Variants in IQGAP2 observed in about 807,000 individuals in gnomAD.
IQGAP2 encodes the protein IQ motif containing GTPase activating protein 2.
In IQGAP2, 173 loss-of-function variants were observed where a neutral mutation model predicts 201.3. That is an observed-to-expected ratio of 0.86 (90% CI 0.76 to 0.98). The LOEUF is 0.98. Ranked by LOEUF, IQGAP2 falls within the 50% of genes least tolerant of loss-of-function variation. IQGAP2 has a pLI of 0.00. For synonymous variants in IQGAP2, 675 were observed against 673.9 expected (o/e 1.00, Z -0.03); for missense variants, 1,687 against 1,864.8 (o/e 0.90, Z 1.76).
intron 2 of IQGAP2, among the ~76,000 whole-genome samples, chr5:76,503,588 T>A (rs75377167): frequency 0.043 from 5,715 of 132,618 alleles, 107 homozygotes; most frequent in African/African-American, 0.05. Flanking sequence ...ACTTTTTTTT[T>A]AAAAATTTTA....
intron 3 of IQGAP2, among the ~76,000 whole-genome samples, chr5:76,564,920 A>G (rs1744640725): frequency 6.6e-6 from 1 of 152,212 alleles, no homozygotes; most frequent in Non-Finnish European, 1.5e-5. Flanking sequence ...CTAAAAGAAA[A>G]AAACATAAGA....
At chr5:76,686,167 TG>T (rs1745721115) in intron 30 of IQGAP2, among the ~76,000 whole-genome samples, 1 of 152,242 alleles carries the variant, frequency 6.6e-6, no homozygotes, top group Admixed American at 6.5e-5. Flanking sequence ...TTTGTGGTTT[TG>T]TTCCTCAGTT....
At chr5:76,509,038 TGTGTGTG>T (rs1757790649) in intron 2 of IQGAP2, among the ~76,000 whole-genome samples, 1 of 56,828 alleles carries the variant, frequency 1.8e-5, no homozygotes, top group Non-Finnish European at 3.9e-5. Flanking sequence ...TATGTGTGTG[TGTGTGTG>T]TGTGTGTGTG....
chr5:76,591,566 G>T (rs957123650), intron 8 of IQGAP2, among the ~76,000 whole-genome samples: 1 of 152,120 alleles, frequency 6.6e-6, no homozygotes, highest in African/African-American at 2.4e-5. Flanking sequence ...TCAACTGGTG[G>T]CTTCCACCAG....
At chr5:76,610,120 T>A (rs1455857044) in intron 12 of IQGAP2, among the ~76,000 whole-genome samples, 10 of 61,182 alleles carry the variant, frequency 1.6e-4, no homozygotes, top group Non-Finnish European at 2.4e-4. Context: ...ATATATTTTT[T>A]TTTTTTTTTT....
At chr5:76,663,841 A>G (rs1343500914) in intron 21 of IQGAP2, among the ~76,000 whole-genome samples, 1 of 152,164 alleles carries the variant, frequency 6.6e-6, no homozygotes, top group African/African-American at 2.4e-5. Context: ...CCCGCTTCCA[A>G]CTTTTCTTCC....
At chr5:76,565,128 A>G (rs753382862) in intron 3 of IQGAP2, among the ~76,000 whole-genome samples, 2 of 152,208 alleles carry the variant, frequency 1.3e-5, no homozygotes, top group Non-Finnish European at 2.9e-5. Context: ...AGATAATGCA[A>G]CTTCCTGATC....
chr5:76,606,356 GACA>G, intron 12 of IQGAP2, 53 bp downstream of exon 12: 1 of 1,475,876 alleles, frequency 6.8e-7, no homozygotes. Flanking sequence ...AAGGTATCTG[GACA>G]ACTTAGTTTT....
At chr5:76,487,459 G>A (rs1180717769) in intron 2 of IQGAP2, among the ~76,000 whole-genome samples, 1 of 152,170 alleles carries the variant, frequency 6.6e-6, no homozygotes, top group Non-Finnish European at 1.5e-5. Flanking sequence ...TAGGATCACT[G>A]TAAGAAAAAA....
intron 2 of IQGAP2, among the ~76,000 whole-genome samples, chr5:76,509,037 G>A (rs1284765037): frequency 1.4e-4 from 8 of 56,600 alleles, no homozygotes; most frequent in Admixed American, 4.0e-4. Context: ...ATATGTGTGT[G>A]TGTGTGTGTG....
intron 12 of IQGAP2, 61 bp from the exon 13 acceptor site, chr5:76,610,959 G>A: frequency 7.2e-7 from 1 of 1,394,054 alleles, no homozygotes; most frequent in Non-Finnish European, 9.9e-7. Flanking sequence ...TGCAATCGGT[G>A]ATACTAAAGA....
At chr5:76,671,303 T>C (rs995463655) in intron 23 of IQGAP2, among the ~76,000 whole-genome samples, 3 of 152,158 alleles carry the variant, frequency 2.0e-5, no homozygotes, top group Non-Finnish European at 4.4e-5. Context: ...TGATTGCTTG[T>C]TTTTAAAGCA....
chr5:76,496,759 T>C (rs1347690053), intron 2 of IQGAP2, among the ~76,000 whole-genome samples: 2 of 93,020 alleles, frequency 2.2e-5, no homozygotes, highest in African/African-American at 1.1e-4. Flanking sequence ...CTTTCTTTCT[T>C]TCTTTCTTTC....
chr5:76,611,978 A>G (rs569558143), intron 13 of IQGAP2, among the ~76,000 whole-genome samples: 1 of 152,350 alleles, frequency 6.6e-6, no homozygotes, highest in Admixed American at 6.5e-5. Flanking sequence ...TTTAGAACCT[A>G]GGAACTGCCT....
intron 1 of IQGAP2, among the ~76,000 whole-genome samples, chr5:76,408,075 C>T (rs1419376672): frequency 6.6e-6 from 1 of 152,050 alleles, no homozygotes; most frequent in East Asian, 1.9e-4. Flanking sequence ...GCAGGGGAAT[C>T]GCTTGAACCC....
At chr5:76,579,225 G>C (rs1341344464) in intron 5 of IQGAP2, among the ~76,000 whole-genome samples, 1 of 152,050 alleles carries the variant, frequency 6.6e-6, no homozygotes, top group African/African-American at 2.4e-5. Context: ...CTAGTTTTGA[G>C]TTGTCCTTGG....
chr5:76,673,838 G>T, intron 25 of IQGAP2, 114 bp from the exon 26 acceptor site: 1 of 733,708 alleles, frequency 1.4e-6, no homozygotes, highest in South Asian at 1.8e-5. Context: ...CTCATCTTAT[G>T]TTTAATTTTT....
At chr5:76,540,730 G>A (rs9687487) in intron 2 of IQGAP2, among the ~76,000 whole-genome samples, 53,250 of 152,088 alleles carry the variant, frequency 0.35, 9,702 homozygotes, top group South Asian at 0.63. Context: ...CCAGGCACAG[G>A]ACCTGGCCTG....
chr5:76,587,511 C>T (rs1026579815), intron 5 of IQGAP2, among the ~76,000 whole-genome samples: 3 of 152,038 alleles, frequency 2.0e-5, no homozygotes, highest in African/African-American at 7.2e-5. Context: ...ATAGGTATGT[C>T]CAGAAACAAC....
Sources: allele counts gnomAD v4.1 joint callset (sites outside exome capture counted in the v4.1 genomes callset), GRCh38; gene constraint gnomAD v4.1.1; transcripts MANE v1.5; gene names NCBI Gene and HGNC (gene_info 2026-07-23, HGNC 2026-07-21).